MOK: variants seen among roughly 807,000 people sequenced by gnomAD.
The protein encoded by MOK is MOK protein kinase.
Under a neutral mutation model 54.2 loss-of-function variants are expected in MOK, and 59 were observed. That is an observed-to-expected ratio of 1.09 (90% CI 0.88 to 1.35). The LOEUF is 1.35. Among genes scored for constraint, MOK ranks in the 40% most tolerant of loss-of-function variants. The pLI is 0.00. For missense variants in MOK, 517 were observed against 526.2 expected, an observed-to-expected ratio of 0.98 and a Z score of 0.17; for synonymous variants, 210 against 202.7, an observed-to-expected ratio of 1.04 and a Z score of -0.31.
chr14:102,248,772 C>G, intron 7 of MOK, among the ~76,000 whole-genome samples: 1 of 132,708 alleles, frequency 7.5e-6, no homozygotes, highest in Non-Finnish European at 1.6e-5. Context: ...AGCAAGACTC[C>G]GTCTCAAAAA....
chr14:102,232,367 G>C lies in MOK; in HGVS notation c.866+168C>G, dbSNP rs116763708. On this transcript the variant is annotated intron_variant, in intron 9 of 11. Coordinates refer to ENST00000361847, the MANE Select transcript of MOK (RefSeq NM_014226.3). The surrounding 1 kb of genome is among the most constrained non-coding windows in gnomAD (Gnocchi z 5.1). ...TCATTTTGGGGAGGATACACCAGAA[G>C]GCAGCACGGTGTGGGCCCCAAGAGG... is the stretch of plus-strand genomic sequence containing the variant. 1.5e-3 allele frequency: 1,033 copies of C among 669,972 alleles called. 9 individuals carry two copies. The African/African-American group carries it at 0.016, about 10-fold the overall frequency. The allele number at this position is 669,972 out of a possible 1,614,324, so 41.5% of individuals were successfully genotyped here.
In MOK at chr14:102,230,964, C is replaced by CA. The variant is rs1244609576; in HGVS notation, c.981+742_981+743insT. 6.6e-6 allele frequency: 1 copy of CA among 152,302 alleles called. No individual in the cohort carries two copies. The highest frequency in any genetic ancestry group is 1.5e-5 in the Non-Finnish European group (1 of 68,096). 9.4% of individuals were successfully genotyped at this position (152,302 alleles called of 1,614,324 possible). On this transcript the variant is annotated intron_variant, in intron 10 of 11. Coordinates refer to ENST00000361847, the MANE Select transcript of MOK (RefSeq NM_014226.3). This position sits in a 1 kb window ranked among gnomAD's most constrained non-coding sequence, Gnocchi z 4.1. ...CCTGGCTTTCTGGAGAGCAGCCTGACTGCAGCTCTGGGTTCCCAGCTCCCA... is the reference window on the plus strand; with the variant it reads ...CCTGGCTTTCTGGAGAGCAGCCTGACATGCAGCTCTGGGTTCCCAGCTCCCA...
chr14:102,227,551 C>T (rs551621865), downstream of MOK, among the ~76,000 whole-genome samples: 2 of 152,296 alleles, frequency 1.3e-5, no homozygotes, highest in South Asian at 4.1e-4. Context: ...GAAAGGCCTG[C>T]ACTGCACCCT....
the MOK span, among the ~76,000 whole-genome samples, chr14:102,216,325 T>C: frequency 1.3e-5 from 2 of 152,152 alleles, no homozygotes; most frequent in Non-Finnish European, 2.9e-5. Flanking sequence ...TTGGTTTGTG[T>C]TTTTTGAGAC....
At chr14:102,277,901 T>G (rs1193492865) in intron 2 of MOK, among the ~76,000 whole-genome samples, 1 of 152,226 alleles carries the variant, frequency 6.6e-6, no homozygotes, top group African/African-American at 2.4e-5. Flanking sequence ...ATAGATTGCA[T>G]GTTTGTGTCC....
downstream of MOK, among the ~76,000 whole-genome samples, chr14:102,224,037 A>G (rs374579661): frequency 8.1e-6 from 1 of 123,124 alleles, no homozygotes; most frequent in African/African-American, 3.1e-5. Context: ...TTTACCTGAG[A>G]TTTTTTTTTT....
rs549009858 is a variant in MOK at position 102,268,969 on chromosome 14, T to C, written c.123-3057A>G. Among the ~76,000 whole-genome samples the C allele has an allele frequency of 1.1e-4, 17 of 152,280 alleles. No individual in the cohort carries two copies. The South Asian group carries it at 3.5e-3, about 32-fold the overall frequency. On this transcript the variant is annotated intron_variant, in intron 2 of 11. Coordinates refer to ENST00000361847, the MANE Select transcript of MOK (RefSeq NM_014226.3). Reference sequence around the variant, plus strand: ...ACTATGAAATTTCAACATTTCATTTTATTGGATGAATTTTATGGAAAATAA... The same window carrying C: ...ACTATGAAATTTCAACATTTCATTTCATTGGATGAATTTTATGGAAAATAA...
chr14:102,222,954 T>C, downstream of MOK: 5 of 1,589,544 alleles, frequency 3.1e-6, no homozygotes, highest in East Asian at 2.2e-5. The surrounding 1 kb of genome is among the most constrained non-coding windows in gnomAD (Gnocchi z 4.4). Context: ...AGCTCCGAGC[T>C]GCGCCTGAGC....
At chr14:102,293,445 T>C (rs1276719857) in intron 1 of MOK, among the ~76,000 whole-genome samples, 4 of 152,146 alleles carry the variant, frequency 2.6e-5, no homozygotes, top group Admixed American at 2.0e-4. Flanking sequence ...ACGCCTGTAA[T>C]CCCAGCACTT....
rs144062154 is a variant in MOK, at chr14:102,285,924, C to A, written c.8-2332G>T. 3.8e-3 allele frequency among the ~76,000 whole-genome samples: 585 copies of A among 152,144 alleles called. 5 individuals carry two copies. Among genetic ancestry groups the A allele is most frequent in the African/African-American group, 0.013 (550 of 41,524 alleles). ...TAAAATAAAATACAATACCCCTGTA[C>A]ATTCCCATTCACTACTGCTGAAATT... On this transcript the variant is annotated intron_variant, in intron 1 of 11. Transcript: ENST00000361847.
intron 2 of MOK, among the ~76,000 whole-genome samples, chr14:102,279,688 G>A (rs932463275): frequency 1.7e-4 from 26 of 152,050 alleles, no homozygotes; most frequent in Admixed American, 1.3e-3. Flanking sequence ...GATACAAAAC[G>A]ACTCAGTTCT....
At chr14:102,275,199 A>G (rs1383819876) in intron 2 of MOK, among the ~76,000 whole-genome samples, 1 of 152,190 alleles carries the variant, frequency 6.6e-6, no homozygotes, top group Non-Finnish European at 1.5e-5. Flanking sequence ...ATGATGCTGG[A>G]ACAACTGGAT....
intron 4 of MOK, among the ~76,000 whole-genome samples, chr14:102,260,896 C>T (rs555777739): frequency 3.9e-5 from 6 of 151,980 alleles, no homozygotes; most frequent in South Asian, 4.1e-4. Context: ...CCGAGAAAGG[C>T]GGATCACGAG....
At chr14:102,254,424 T>A (rs1206464216) in intron 4 of MOK, among the ~76,000 whole-genome samples, 2 of 152,312 alleles carry the variant, frequency 1.3e-5, no homozygotes, top group East Asian at 3.9e-4. Flanking sequence ...TCTGGAATCT[T>A]ATTAAATTAA....
At chr14:102,222,940 G>C, downstream of MOK, 1 of 1,603,098 alleles carries the variant, frequency 6.2e-7, no homozygotes, top group Non-Finnish European at 8.5e-7. This position sits in a 1 kb window ranked among gnomAD's most constrained non-coding sequence, Gnocchi z 4.4. Flanking sequence ...GAGTGACGAG[G>C]AGGAGCTCCG....
At chr14:102,272,977 C>T (rs1387903785) in intron 2 of MOK, among the ~76,000 whole-genome samples, 2 of 152,260 alleles carry the variant, frequency 1.3e-5, no homozygotes, top group Middle Eastern at 3.4e-3. Context: ...CGAGACCAGC[C>T]TGGCCAATAC....
chr14:102,299,420 C>G (rs2071892476), intron 1 of MOK, among the ~76,000 whole-genome samples: 1 of 151,838 alleles, frequency 6.6e-6, no homozygotes, highest in African/African-American at 2.4e-5. Flanking sequence ...GAGGCTGATG[C>G]ATGAGAATTG....
Position 102,283,514 on chromosome 14 carries a change from T to C in MOK, c.86A>G (p.Tyr29Cys). ...CTGCTTCATTTGTTTACATGCATAG[T>C]AGTTTCCATCTCTCAGGCTTTGCAT... Reference protein sequence around the residue: ...MKMQSLRDGNYYACKQMKQRF... With the variant: ...MKMQSLRDGNCYACKQMKQRF... The change falls in exon 2 of 12, where the codon TAC becomes TGC. Residue 29 changes from tyrosine to cysteine, a missense_variant. Transcript: ENST00000361847. 1 of 1,613,648 alleles carries C rather than the reference T, an allele frequency of 6.2e-7. No homozygotes were observed. Among genetic ancestry groups the C allele is most frequent in the Non-Finnish European group, 8.5e-7 (1 of 1,179,776 alleles).
intron 1 of MOK, among the ~76,000 whole-genome samples, chr14:102,297,235 G>A (rs1025888369): frequency 3.3e-5 from 5 of 151,872 alleles, no homozygotes; most frequent in African/African-American, 1.2e-4. Context: ...GCGGGCGCCT[G>A]TAGTCCCAGC....
Sources: gnomAD v4.1 joint callset for allele counts (sites outside exome capture counted in the v4.1 genomes callset) on GRCh38, gnomAD v4.1.1 for gene constraint, Gnocchi (gnomAD v3.1) non-coding constraint, MANE v1.5 for transcripts, NCBI Gene and HGNC (gene_info 2026-07-23, HGNC 2026-07-21) for gene names.